FGF14: variants seen among roughly 807,000 people sequenced by gnomAD.
FGF14 encodes the protein fibroblast growth factor 14, also known as fibroblast growth factor homologous factor 4.
Under a neutral mutation model 25.5 loss-of-function variants are expected in FGF14, and 5 were observed. The observed-to-expected ratio is 0.20, with a 90% CI of 0.10 to 0.41. FGF14 has a LOEUF of 0.41. Ranked by LOEUF, FGF14 falls within the 10% of genes least tolerant of loss-of-function variation. The pLI is 1.00. For missense variants in FGF14, 222 were observed against 320.1 expected, an observed-to-expected ratio of 0.69 and a Z score of 2.34; for synonymous variants, 138 against 118.3, an observed-to-expected ratio of 1.17 and a Z score of -1.08.
At chr13:102,280,975 T>C (rs182559698) in intron 1 of FGF14, among the ~76,000 whole-genome samples, 1 of 152,098 alleles carries the variant, frequency 6.6e-6, no homozygotes, top group Admixed American at 6.5e-5. Flanking sequence ...AGAGGAGGAG[T>C]ATAAAATAAA....
chr13:102,248,146 CT>C (rs1301680912), intron 1 of FGF14, among the ~76,000 whole-genome samples: 1 of 152,000 alleles, frequency 6.6e-6, no homozygotes, highest in African/African-American at 2.4e-5. Context: ...AGGTACTAGG[CT>C]TAGTAGCTGG....
intron 1 of FGF14, among the ~76,000 whole-genome samples, chr13:102,350,959 G>A (rs549710781): frequency 1.3e-5 from 2 of 152,152 alleles, no homozygotes; most frequent in South Asian, 4.2e-4. Context: ...CCTCTTATGG[G>A]GGTGGAGGTA....
At chr13:101,973,488 G>A (rs1023879532) in intron 1 of FGF14, among the ~76,000 whole-genome samples, 1 of 152,024 alleles carries the variant, frequency 6.6e-6, no homozygotes, top group Admixed American at 6.6e-5. Flanking sequence ...ATATATAAAG[G>A]GGAGTTTATT....
intron 1 of FGF14, among the ~76,000 whole-genome samples, chr13:102,241,751 A>G (rs1302747315): frequency 6.6e-6 from 1 of 152,140 alleles, no homozygotes; most frequent in East Asian, 1.9e-4. Flanking sequence ...GTTTGTTTAG[A>G]GTACAATGAA....
At position 102,161,634 on chromosome 13, in the gene FGF14, G is replaced by GA. The variant is rs1453845233; in HGVS notation, c.208+239836dup. On this transcript the variant is annotated intron_variant, in intron 1 of 4. Transcript: ENST00000376131. ...AGAAGAAGAAGAAGAAGAAGAAGAA[G>GA]AAGAAGAAGAAGAAGAAGAAGAAGA... 4.0e-3 allele frequency among the ~76,000 whole-genome samples: 31 copies of GA among 7,656 alleles called. 2 individuals carry two copies. Among genetic ancestry groups the GA allele is most frequent in the Admixed American group, 5.2e-3 (3 of 582 alleles). The allele number at this position is 7,656 out of a possible 152,430, so 5.0% of individuals were successfully genotyped here.
intron 3 of FGF14, among the ~76,000 whole-genome samples, chr13:101,748,505 C>T (rs956156046): frequency 7.3e-5 from 11 of 150,892 alleles, no homozygotes; most frequent in East Asian, 3.9e-4. Flanking sequence ...AGGAGGGGGA[C>T]GACAGATAAA....
At chr13:101,771,374 CA>C (rs1566880538) in intron 3 of FGF14, among the ~76,000 whole-genome samples, 1 of 120,498 alleles carries the variant, frequency 8.3e-6, no homozygotes, top group African/African-American at 2.6e-5. Context: ...AATGCCCCCC[CA>C]CCCAAGTATT....
intron 1 of FGF14, among the ~76,000 whole-genome samples, chr13:102,342,012 C>T (rs1360975): frequency 0.19 from 29,289 of 152,086 alleles, 2,846 homozygotes; most frequent in South Asian, 0.22. Context: ...CAAGTAATAA[C>T]AGACTGGGAA....
rs568477132 is a variant in FGF14, at chr13:101,800,734, C to T, written c.408+67991G>A. Among the ~76,000 whole-genome samples, 15 of 152,274 alleles carry T rather than the reference C, an allele frequency of 9.9e-5. No individual in the cohort carries two copies. The South Asian group carries it at 2.9e-3, about 29-fold the overall frequency. ...AAGTGCAGCTCAGCTTTACGGAGAA[C>T]ATTTTCACCTTGTTCTAGGGAGTTT... On this transcript the variant is annotated intron_variant, in intron 3 of 4. Coordinates refer to ENST00000376143, the MANE Select transcript of FGF14 (RefSeq NM_004115.4).
intron 1 of FGF14, among the ~76,000 whole-genome samples, chr13:102,323,353 C>T (rs542522388): frequency 6.6e-6 from 1 of 152,250 alleles, no homozygotes; most frequent in East Asian, 1.9e-4. Context: ...TTCTGTAGTT[C>T]ATTAACTTGC....
chr13:102,343,885 A>G (rs1342339364), intron 1 of FGF14, among the ~76,000 whole-genome samples: 1 of 152,190 alleles, frequency 6.6e-6, no homozygotes, highest in Non-Finnish European at 1.5e-5. Flanking sequence ...TCTTTCCCTG[A>G]CTATACTACT....
At chr13:102,011,012 TTAA>T (rs1555338975) in intron 1 of FGF14, among the ~76,000 whole-genome samples, 1 of 152,202 alleles carries the variant, frequency 6.6e-6, no homozygotes, top group Non-Finnish European at 1.5e-5. Context: ...TTTTCTATTT[TTAA>T]TAATGCCATT....
intron 3 of FGF14, among the ~76,000 whole-genome samples, chr13:101,802,881 C>G (rs1273222826): frequency 6.6e-6 from 1 of 152,052 alleles, no homozygotes; most frequent in Non-Finnish European, 1.5e-5. Context: ...TAGAGACAAA[C>G]TTTTGAGGCC....
chr13:102,361,100 T>C (rs549728413), intron 1 of FGF14, among the ~76,000 whole-genome samples: 15 of 152,302 alleles, frequency 9.8e-5, no homozygotes, highest in African/African-American at 2.6e-4. Context: ...AGTGTCTTGA[T>C]TGTAAATTAA....
At chr13:101,760,924 G>C (rs536718156) in intron 3 of FGF14, among the ~76,000 whole-genome samples, 2 of 151,932 alleles carry the variant, frequency 1.3e-5, no homozygotes, top group East Asian at 3.9e-4. Flanking sequence ...AAGTCAGCAG[G>C]CTTAATATTT....
At chr13:102,208,313 T>A (rs1042901446) in intron 1 of FGF14, among the ~76,000 whole-genome samples, 1 of 152,236 alleles carries the variant, frequency 6.6e-6, no homozygotes, top group African/African-American at 2.4e-5. Flanking sequence ...AAAGGCTTGT[T>A]GTTCAGGAGC....
At chr13:101,734,602 G>T (rs1190336553) in intron 3 of FGF14, among the ~76,000 whole-genome samples, 1 of 152,090 alleles carries the variant, frequency 6.6e-6, no homozygotes, top group Admixed American at 6.5e-5. Context: ...TTACACATTT[G>T]TCAGTTTTCA....
intron 1 of FGF14, among the ~76,000 whole-genome samples, chr13:101,894,922 C>T (rs1386667905): frequency 1.3e-5 from 2 of 152,150 alleles, no homozygotes; most frequent in African/African-American, 2.4e-5. Flanking sequence ...ATTAATTCTA[C>T]TGTAACCTTA....
At chr13:102,317,583 T>C (rs918938812) in intron 1 of FGF14, among the ~76,000 whole-genome samples, 1 of 152,198 alleles carries the variant, frequency 6.6e-6, no homozygotes, top group African/African-American at 2.4e-5. Flanking sequence ...TTTTTAAACC[T>C]TTGTTTTTTT....
Sources: gnomAD v4.1 joint callset for allele counts (sites outside exome capture counted in the v4.1 genomes callset) on GRCh38, gnomAD v4.1.1 for gene constraint, MANE v1.5 for transcripts, NCBI Gene and HGNC (gene_info 2026-07-23, HGNC 2026-07-21) for gene names.